CFAP54: variants seen among roughly 807,000 people sequenced by gnomAD.
The protein encoded by CFAP54 is cilia and flagella associated protein 54.
Under a neutral mutation model 370.4 loss-of-function variants are expected in CFAP54, and 290 were observed. The ratio of observed to expected loss-of-function variants is 0.78; its 90% CI spans 0.71 to 0.86. The LOEUF (loss-of-function observed/expected upper bound fraction) is 0.86, where lower values mean the gene tolerates loss of function less well. CFAP54 is among the 40% of genes least tolerant of loss of function. The pLI is 0.00. For missense variants in CFAP54, 3,399 were observed against 3,528.7 expected (o/e 0.96, Z 0.93); for synonymous variants, 1,206 against 1,236.5 (o/e 0.98, Z 0.52).
chr12:96,770,864 T>C (rs1958453504), intron 60 of CFAP54, among the ~76,000 whole-genome samples: 1 of 152,240 alleles, frequency 6.6e-6, no homozygotes, highest in Non-Finnish European at 1.5e-5. Flanking sequence ...TTCTAAAGGC[T>C]CTGCTGTTAA....
intron 33 of CFAP54, chr12:96,646,908 C>T (rs1172780485): frequency 6.6e-6 from 1 of 152,046 alleles, no homozygotes; most frequent in Non-Finnish European, 1.5e-5. Context: ...ACAATGAGAA[C>T]ACATGGACAC....
Position 96,630,582 on chromosome 12 carries a change from A to C in CFAP54, c.4247A>C (p.Lys1416Thr). The stretch of plus-strand genomic sequence containing the variant: ...GAAATGCAACAAAGAATAAGAAGTA[A>C]AAAAAAGGAAACTCTAAGAGATTTC... ...SAEMQQRIRSKKKETLRDFIF... is the reference protein window; with the variant it reads ...SAEMQQRIRSTKKETLRDFIF... The change falls in exon 32 of 68, where the codon AAA (lysine) becomes ACA (threonine). Residue 1416 changes from lysine to threonine, a missense_variant. Coordinates refer to ENST00000524981, the MANE Select transcript of CFAP54 (RefSeq NM_001306084.2). 3 of 1,495,954 alleles carry C rather than the reference A, an allele frequency of 2.0e-6. No homozygotes were observed. Among genetic ancestry groups the C allele is most frequent in the African/African-American group, 1.4e-5 (1 of 70,942 alleles). The allele number at this position is 1,495,954 out of a possible 1,614,324, so 92.7% of individuals were successfully genotyped here.
At chr12:96,820,499 T>C (rs1260779843) in intron 65 of CFAP54, among the ~76,000 whole-genome samples, 11 of 152,196 alleles carry the variant, frequency 7.2e-5, no homozygotes, top group Admixed American at 2.0e-4. Context: ...ACTGTGCAAG[T>C]ACAGTTAGCC....
chr12:96,592,612 G>T lies in CFAP54; in HGVS notation c.3335G>T (p.Gly1112Val). The T allele has an allele frequency of 8.3e-7, 1 of 1,204,780 alleles. No homozygotes were observed. 74.6% of individuals were successfully genotyped at this position (1,204,780 alleles called of 1,614,324 possible). Reference sequence around the variant, plus strand: ...AATCTTTTCTGTGATAATATTAAAGGCAATGAGATTTTCCCATCTCAACAA... The same window carrying T: ...AATCTTTTCTGTGATAATATTAAAGTCAATGAGATTTTCCCATCTCAACAA... ...EENLFCDNIK[G>V]NEIFPSQQIA... The change falls in exon 24 of 68, where the codon GGC (glycine) becomes GTC (valine). Residue 1112 changes from glycine to valine, a missense_variant. Gly to Val is a moderately radical substitution (Grantham distance 109). Transcript: ENST00000524981.
intron 25 of CFAP54, among the ~76,000 whole-genome samples, chr12:96,596,767 AT>A (rs1956184330): frequency 6.6e-6 from 1 of 152,232 alleles, no homozygotes; most frequent in Non-Finnish European, 1.5e-5. Context: ...TGGAAAAAAA[AT>A]ATCTCCAAAT....
In CFAP54 at chr12:96,564,684, C is replaced by CAA; in HGVS notation, c.2540_2541dup (p.Ala848LysfsTer5). 1 of 637,000 alleles carries CAA rather than the reference C, an allele frequency of 1.6e-6. No homozygotes were observed. 39.5% of individuals were successfully genotyped at this position (637,000 alleles called of 1,614,324 possible). ...ATAAAATAAAGAAGAATACATTATCCAAAGCAATTTACTTAATGCAGAAAG... is the reference window on the plus strand; with the variant it reads ...ATAAAATAAAGAAGAATACATTATCCAAAAAGCAATTTACTTAATGCAGAAAG... On this transcript the variant is annotated frameshift_variant, in exon 19 of 68. Coordinates refer to ENST00000524981, the MANE Select transcript of CFAP54 (RefSeq NM_001306084.2). LOFTEE classifies it high-confidence loss of function.
chr12:96,529,923 T>C (rs949268194), intron 9 of CFAP54, among the ~76,000 whole-genome samples: 2 of 152,190 alleles, frequency 1.3e-5, no homozygotes, highest in African/African-American at 4.8e-5. Flanking sequence ...CGTAAATATA[T>C]TCTCGTATGT....
At chr12:96,855,935 C>A (rs1371691826) in intron 66 of CFAP54, among the ~76,000 whole-genome samples, 3 of 152,220 alleles carry the variant, frequency 2.0e-5, no homozygotes, top group Non-Finnish European at 2.9e-5. Context: ...GCCCTGTCTG[C>A]AACATACTTC....
At chr12:96,681,959 T>A (rs1957278816) in intron 40 of CFAP54, among the ~76,000 whole-genome samples, 1 of 151,966 alleles carries the variant, frequency 6.6e-6, no homozygotes. Flanking sequence ...ATACCTAGGG[T>A]CTTCAGTTAT....
intron 50 of CFAP54, among the ~76,000 whole-genome samples, chr12:96,727,928 AC>A (rs1370849145): frequency 1.3e-5 from 2 of 151,332 alleles, no homozygotes. Flanking sequence ...TTTCTCCTTC[AC>A]TTATGAAGCT....
intron 40 of CFAP54, chr12:96,682,366 C>A: frequency 2.1e-6 from 2 of 961,852 alleles, no homozygotes; most frequent in African/African-American, 1.8e-5. Flanking sequence ...TACTCATTTT[C>A]TTTAAATTTT....
At chr12:96,859,530 C>T (rs1022879066) in intron 66 of CFAP54, among the ~76,000 whole-genome samples, 9 of 152,022 alleles carry the variant, frequency 5.9e-5, no homozygotes, top group Non-Finnish European at 1.0e-4. Context: ...CTCAGCCTTT[C>T]GAGTAGCTGG....
Position 96,757,525 on chromosome 12 carries a change from T to A in CFAP54, c.7977T>A (p.Ala2659=). ...TAAGAGACTCCTACCTAGAAATGGC[T>A]CTATTGTATTTTCATCTGAAGAAGC... is the stretch of plus-strand genomic sequence containing the variant. ...GLIRDSYLEM[A]LLYFHLKKPK... Residue 2659 remains alanine (A), a synonymous_variant, in exon 58 of 68, where the codon GCT becomes GCA. Transcript: ENST00000524981. 1 of 1,597,784 alleles carries A rather than the reference T, an allele frequency of 6.3e-7. No homozygotes were observed. The highest frequency in any genetic ancestry group is 8.6e-7 in the Non-Finnish European group (1 of 1,168,426).
chr12:96,698,787 A>G (rs1017670754), intron 45 of CFAP54, among the ~76,000 whole-genome samples: 12 of 152,290 alleles, frequency 7.9e-5, no homozygotes, highest in Non-Finnish European at 1.5e-4. Context: ...GGCGTTTTGA[A>G]CAAAGAACTG....
intron 62 of CFAP54, among the ~76,000 whole-genome samples, chr12:96,792,049 A>G (rs1016335473): frequency 2.6e-5 from 4 of 151,998 alleles, no homozygotes; most frequent in South Asian, 2.1e-4. Context: ...GCGAGGTTTC[A>G]CCATGTTGGC....
intron 50 of CFAP54, among the ~76,000 whole-genome samples, chr12:96,739,727 G>T (rs1482377568): frequency 6.6e-6 from 1 of 151,946 alleles, no homozygotes; most frequent in Non-Finnish European, 1.5e-5. Flanking sequence ...TTTCAATAGG[G>T]AATAAGACAA....
intron 20 of CFAP54, among the ~76,000 whole-genome samples, chr12:96,577,724 T>G (rs1955993214): frequency 6.6e-6 from 1 of 152,150 alleles, no homozygotes; most frequent in Admixed American, 6.6e-5. Flanking sequence ...AGCTGATATC[T>G]TTCCACTTCT....
At chr12:96,565,781 A>G (rs1356458738) in intron 19 of CFAP54, among the ~76,000 whole-genome samples, 1 of 152,102 alleles carries the variant, frequency 6.6e-6, no homozygotes, top group Non-Finnish European at 1.5e-5. Flanking sequence ...TAGATAAGAA[A>G]AGTTTGTTGG....
At chr12:96,688,410 C>T (rs1336347043) in intron 42 of CFAP54, among the ~76,000 whole-genome samples, 3 of 152,168 alleles carry the variant, frequency 2.0e-5, no homozygotes, top group African/African-American at 4.8e-5. Context: ...AAAACTTCCA[C>T]GTCCAGGGGT....
Sources: allele counts gnomAD v4.1 joint callset (sites outside exome capture counted in the v4.1 genomes callset), GRCh38; gene constraint gnomAD v4.1.1; transcripts MANE v1.5; gene names NCBI Gene and HGNC (gene_info 2026-07-23, HGNC 2026-07-21).